Variants in LARP1B observed in about 807,000 individuals in gnomAD.
The protein encoded by LARP1B is la-related protein 1B.
LARP1B carries 76 observed loss-of-function variants against 114.2 expected under a neutral mutation model. The ratio of observed to expected loss-of-function variants is 0.67; its 90% CI spans 0.55 to 0.81. LARP1B has a LOEUF of 0.81. LARP1B is among the 30% of genes least tolerant of loss of function. The pLI is 0.00. For missense variants in LARP1B, 1,014 were observed against 1,075.8 expected, an observed-to-expected ratio of 0.94 and a Z score of 0.80; for synonymous variants, 345 against 348.0, an observed-to-expected ratio of 0.99 and a Z score of 0.10.
At chr4:128,148,031 G>A (rs1731103200) in intron 11 of LARP1B, among the ~76,000 whole-genome samples, 1 of 152,158 alleles carries the variant, frequency 6.6e-6, no homozygotes, top group African/African-American at 2.4e-5. Context: ...TTGGGAATAG[G>A]TTTTAGAGCC....
intron 12 of LARP1B, among the ~76,000 whole-genome samples, chr4:128,166,244 C>A (rs543910942): frequency 6.6e-6 from 1 of 151,908 alleles, no homozygotes; most frequent in Admixed American, 6.6e-5. Flanking sequence ...CATTTTTGAT[C>A]CATTTGTTTT....
At chr4:128,068,715 CT>C (rs777479372) in intron 1 of LARP1B, among the ~76,000 whole-genome samples, 3 of 151,996 alleles carry the variant, frequency 2.0e-5, no homozygotes, top group Non-Finnish European at 2.9e-5. Context: ...TGGCAGATTC[CT>C]TTTTTTCCCT....
chr4:128,212,775 G>T (rs562662492), downstream of LARP1B, among the ~76,000 whole-genome samples: 44 of 152,194 alleles, frequency 2.9e-4, no homozygotes, highest in Middle Eastern at 3.4e-3. Context: ...GTAAAAACGT[G>T]TCTCCATTTA....
At chr4:128,179,159 A>G (rs1386621193) in intron 14 of LARP1B, among the ~76,000 whole-genome samples, 1 of 152,218 alleles carries the variant, frequency 6.6e-6, no homozygotes, top group Admixed American at 6.5e-5. Flanking sequence ...AACAGAAAGT[A>G]TAATGAAGAA....
intron 17 of LARP1B, among the ~76,000 whole-genome samples, chr4:128,202,946 C>A (rs1244624260): frequency 6.6e-6 from 1 of 152,198 alleles, no homozygotes; most frequent in Non-Finnish European, 1.5e-5. Flanking sequence ...CACCTGTAAT[C>A]CCTGCACTTT....
intron 12 of LARP1B, among the ~76,000 whole-genome samples, chr4:128,175,801 G>A: frequency 6.6e-6 from 1 of 151,994 alleles, no homozygotes; most frequent in East Asian, 1.9e-4. Context: ...ATTTACTCTT[G>A]TGTCCTTTGA....
intron 7 of LARP1B, among the ~76,000 whole-genome samples, chr4:128,092,500 G>A (rs1776261409): frequency 6.6e-6 from 1 of 152,088 alleles, no homozygotes; most frequent in African/African-American, 2.4e-5. Flanking sequence ...TTTTATAGAG[G>A]CAAGAGAAAA....
intron 10 of LARP1B, among the ~76,000 whole-genome samples, chr4:128,115,806 C>T (rs1042613749): frequency 6.6e-6 from 1 of 152,096 alleles, no homozygotes; most frequent in African/African-American, 2.4e-5. Context: ...CAGGGTCACT[C>T]CACCATGCCC....
At chr4:128,080,045 G>A (rs1436757492) in intron 4 of LARP1B, among the ~76,000 whole-genome samples, 3 of 149,574 alleles carry the variant, frequency 2.0e-5, no homozygotes, top group African/African-American at 7.4e-5. Context: ...GTGCAATGGC[G>A]CGATCTCCAG....
chr4:128,083,934 C>T (rs1277350437), intron 5 of LARP1B, among the ~76,000 whole-genome samples: 1 of 151,308 alleles, frequency 6.6e-6, no homozygotes, highest in Non-Finnish European at 1.5e-5. Context: ...AGGGGCTCCT[C>T]ACTTCTCAGA....
At chr4:128,110,106 G>A (rs1783527023) in intron 9 of LARP1B, among the ~76,000 whole-genome samples, 1 of 152,000 alleles carries the variant, frequency 6.6e-6, no homozygotes, top group Non-Finnish European at 1.5e-5. Context: ...GTTTCACCAT[G>A]TTGGTCAGGC....
chr4:128,119,549 G>A (rs1158556563), intron 10 of LARP1B, among the ~76,000 whole-genome samples: 1 of 152,174 alleles, frequency 6.6e-6, no homozygotes, highest in Non-Finnish European at 1.5e-5. Context: ...TGGATTGACT[G>A]TTCCAGCTGT....
At position 128,077,967 on chromosome 4, in the gene LARP1B, G is replaced by A; in HGVS notation, c.217+5G>A. The A allele has an allele frequency of 6.5e-7, 1 of 1,535,142 alleles. No individual in the cohort carries two copies. Among genetic ancestry groups the A allele is most frequent in the Non-Finnish European group, 8.8e-7 (1 of 1,142,836 alleles). On this transcript the variant is annotated splice_donor_5th_base_variant and intron_variant, in intron 4 of 19. Coordinates refer to ENST00000326639, the MANE Select transcript of LARP1B (RefSeq NM_018078.4). Reference sequence around the variant, plus strand: ...CAAGTAATCAACGTAAGAGAGGTCAGTTTGTCCATATCTTTATTTTGATTT... The same window carrying A: ...CAAGTAATCAACGTAAGAGAGGTCAATTTGTCCATATCTTTATTTTGATTT...
At chr4:128,112,019 G>A (rs1024359264) in intron 9 of LARP1B, among the ~76,000 whole-genome samples, 1 of 150,998 alleles carries the variant, frequency 6.6e-6, no homozygotes, top group Admixed American at 6.6e-5. Flanking sequence ...TTCATGTATG[G>A]TTCATTAAAA....
chr4:128,070,253 G>A (rs765586473), intron 1 of LARP1B, among the ~76,000 whole-genome samples: 1 of 151,962 alleles, frequency 6.6e-6, no homozygotes, highest in Non-Finnish European at 1.5e-5. Flanking sequence ...CCGGGAGGCG[G>A]AGCTTGCAGT....
chr4:128,082,594 CATTTA>C (rs924247277), intron 5 of LARP1B, among the ~76,000 whole-genome samples: 60 of 151,974 alleles, frequency 3.9e-4, no homozygotes, highest in African/African-American at 1.4e-3. Flanking sequence ...TGGGATCACC[CATTTA>C]ATTTAATTTT....
chr4:128,083,667 G>T (rs1209435343), intron 5 of LARP1B, among the ~76,000 whole-genome samples: 1 of 97,190 alleles, frequency 1.0e-5, no homozygotes, highest in Non-Finnish European at 2.5e-5. Flanking sequence ...GGCCAGGTGG[G>T]GGGGCTGAGC....
intron 7 of LARP1B, among the ~76,000 whole-genome samples, chr4:128,097,087 G>A (rs972223690): frequency 4.6e-5 from 7 of 151,412 alleles, no homozygotes; most frequent in Non-Finnish European, 7.4e-5. Context: ...TAGTAGAGAT[G>A]GGGTTTCCCC....
intron 7 of LARP1B, among the ~76,000 whole-genome samples, chr4:128,094,379 TC>T (rs1777067286): frequency 1.3e-5 from 2 of 151,556 alleles, no homozygotes; most frequent in Non-Finnish European, 2.9e-5. Context: ...AGAGGTTTTT[TC>T]CTTTTTTCTT....
Sources: gnomAD v4.1 joint callset for allele counts (sites outside exome capture counted in the v4.1 genomes callset) on GRCh38, gnomAD v4.1.1 for gene constraint, MANE v1.5 for transcripts, NCBI Gene and HGNC (gene_info 2026-07-23, HGNC 2026-07-21) for gene names.